Variants in CREB5 observed in about 807,000 individuals in gnomAD.
CREB5 encodes cAMP responsive element binding protein 5.
CREB5 carries 19 observed loss-of-function variants against 57.1 expected under a neutral mutation model. That is an observed-to-expected ratio of 0.33 (90% CI 0.23 to 0.49). CREB5 has a LOEUF of 0.49. Among genes scored for constraint, CREB5 ranks in the 20% least tolerant of loss-of-function variants. The probability of loss-of-function intolerance (pLI) is 0.99; values close to 1 mark genes in which losing one functional copy is unlikely to be tolerated. For missense variants in CREB5, 579 were observed against 671.6 expected, an observed-to-expected ratio of 0.86 and a Z score of 1.52; for synonymous variants, 238 against 238.3, an observed-to-expected ratio of 1.00 and a Z score of 0.01.
intron 7 of CREB5, among the ~76,000 whole-genome samples, chr7:28,792,513 A>G (rs1807776369): frequency 6.6e-6 from 1 of 152,150 alleles, no homozygotes; most frequent in Admixed American, 6.5e-5. Flanking sequence ...TTTTGGTTGG[A>G]AATGCTGTGC....
intron 5 of CREB5, among the ~76,000 whole-genome samples, chr7:28,693,782 C>T (rs1291261851): frequency 6.6e-6 from 1 of 152,198 alleles, no homozygotes; most frequent in African/African-American, 2.4e-5. Flanking sequence ...ATAGTAAGTG[C>T]TCAGCAAATG....
At chr7:28,345,895 G>T in intron 1 of CREB5, among the ~76,000 whole-genome samples, 1 of 152,102 alleles carries the variant, frequency 6.6e-6, no homozygotes, top group Non-Finnish European at 1.5e-5. Flanking sequence ...CATGGCAGGG[G>T]CTTATCCTCA....
At chr7:28,575,853 T>C (rs1795890048) in intron 5 of CREB5, among the ~76,000 whole-genome samples, 1 of 152,168 alleles carries the variant, frequency 6.6e-6, no homozygotes, top group African/African-American at 2.4e-5. Flanking sequence ...ATGCAGAGCC[T>C]TGAGAAATTA....
chr7:28,477,590 C>T (rs1339755298), intron 1 of CREB5, among the ~76,000 whole-genome samples: 1 of 152,196 alleles, frequency 6.6e-6, no homozygotes, highest in African/African-American at 2.4e-5. Context: ...AGAGAAGGCC[C>T]TGCGTTTGTT....
intron 1 of CREB5, among the ~76,000 whole-genome samples, chr7:28,449,744 C>T (rs1029386876): frequency 3.9e-5 from 6 of 152,294 alleles, no homozygotes; most frequent in South Asian, 4.1e-4. Context: ...AAGGGCCTCT[C>T]AAAGAAGAAT....
At chr7:28,433,035 T>C (rs1007005990) in intron 1 of CREB5, among the ~76,000 whole-genome samples, 4 of 152,190 alleles carry the variant, frequency 2.6e-5, no homozygotes, top group African/African-American at 4.8e-5. Context: ...GCCTTAGAAT[T>C]TTCTGTTTGT....
intron 4 of CREB5, among the ~76,000 whole-genome samples, chr7:28,532,486 G>A (rs1453268068): frequency 2.0e-5 from 3 of 152,168 alleles, no homozygotes; most frequent in Non-Finnish European, 4.4e-5. Flanking sequence ...CCCCAACCCT[G>A]GAAAAGCAAA....
At chr7:28,607,202 C>T (rs1304716480) in intron 5 of CREB5, among the ~76,000 whole-genome samples, 1 of 152,066 alleles carries the variant, frequency 6.6e-6, no homozygotes, top group East Asian at 1.9e-4. Context: ...CTTTTTAGAC[C>T]TATTTTACAG....
chr7:28,413,032 A>T (rs1787867953), intron 1 of CREB5, 115 bp downstream of exon 1: 14 of 962,340 alleles, frequency 1.5e-5, no homozygotes, highest in Non-Finnish European at 1.7e-5. Flanking sequence ...TAGATTTTGC[A>T]CAAAATTTTA....
At chr7:28,423,699 T>G (rs11975030) in intron 1 of CREB5, among the ~76,000 whole-genome samples, 6,688 of 151,912 alleles carry the variant, frequency 0.044, 424 homozygotes, top group African/African-American at 0.14. Flanking sequence ...CACAGGCTTG[T>G]GTCTGCATCC....
intron 6 of CREB5, among the ~76,000 whole-genome samples, chr7:28,719,845 A>T (rs1453031673): frequency 2.0e-5 from 3 of 152,150 alleles, no homozygotes; most frequent in Non-Finnish European, 4.4e-5. Context: ...GTAGATCATG[A>T]GGTCAAGAGA....
At chr7:28,704,302 C>T (rs1802000883) in intron 5 of CREB5, among the ~76,000 whole-genome samples, 1 of 152,186 alleles carries the variant, frequency 6.6e-6, no homozygotes, top group Non-Finnish European at 1.5e-5. Context: ...TGCTGCCCTC[C>T]TCAGCTAAAT....
rs138953225 is a variant in CREB5 at position 28,337,969 on chromosome 7, C to T, written c.-25+38528C>T. 6.0e-4 allele frequency among the ~76,000 whole-genome samples: 91 copies of T among 152,052 alleles called. 1 individual carries two copies. In the South Asian group the frequency reaches 9.5e-3, roughly 16 times the overall value. On this transcript the variant is annotated intron_variant, in intron 1 of 9. Coordinates refer to the CREB5 transcript ENST00000396299. ...ACTTAATAATGACTGCATAAACAAA[C>T]TAAAAAACAAGCAAAAAGAAAACTA... is the stretch of plus-strand genomic sequence containing the variant.
intron 5 of CREB5, among the ~76,000 whole-genome samples, chr7:28,642,545 CT>C (rs1401221003): frequency 6.6e-5 from 10 of 152,152 alleles, no homozygotes; most frequent in African/African-American, 9.7e-5. Flanking sequence ...ATACAAAGGG[CT>C]TTTCTGCATG....
At chr7:28,421,764 ACACACTATATATATATATACC>A (rs1788259124) in intron 1 of CREB5, among the ~76,000 whole-genome samples, 1 of 22,224 alleles carries the variant, frequency 4.5e-5, no homozygotes, top group African/African-American at 1.6e-4. Context: ...ATACATACAC[ACACACTATATATATATATACC>A]ATATATATAT....
chr7:28,426,599 T>A (rs536460756), intron 1 of CREB5, among the ~76,000 whole-genome samples: 67 of 152,344 alleles, frequency 4.4e-4, no homozygotes, highest in African/African-American at 1.6e-3. Flanking sequence ...CTAGACATGC[T>A]GCATTCACTT....
At chr7:28,609,669 G>C (rs1797310552) in intron 5 of CREB5, among the ~76,000 whole-genome samples, 2 of 152,214 alleles carry the variant, frequency 1.3e-5, no homozygotes, top group Non-Finnish European at 2.9e-5. Context: ...AGTCTACCTT[G>C]TTGAGTTTGA....
intron 5 of CREB5, among the ~76,000 whole-genome samples, chr7:28,620,419 A>G (rs1166649356): frequency 6.6e-6 from 1 of 152,168 alleles, no homozygotes; most frequent in Admixed American, 6.6e-5. Flanking sequence ...AAAGAATCAT[A>G]GAGCTTCTTT....
Position 28,708,128 on chromosome 7 carries a change from ATATAACC to A in CREB5, c.465-10624_465-10618del, listed in dbSNP as rs543101103. On this transcript the variant is annotated intron_variant, in intron 5 of 10. Transcript: ENST00000357727. Reference sequence around the variant, plus strand: ...ATAGAGCCTGAAGCTCTCTGTTAGGATATAACCCAGTGAAGAGTTTGCTCAGCCTTGT... The same window carrying A: ...ATAGAGCCTGAAGCTCTCTGTTAGGACAGTGAAGAGTTTGCTCAGCCTTGT... Among the ~76,000 whole-genome samples the A allele has an allele frequency of 1.4e-4, 22 of 152,330 alleles. No homozygotes were observed. In the South Asian group the frequency reaches 4.4e-3, roughly 30 times the overall value.
Sources: gnomAD v4.1 joint callset for allele counts (sites outside exome capture counted in the v4.1 genomes callset) on GRCh38, gnomAD v4.1.1 for gene constraint, MANE v1.5 for transcripts, NCBI Gene and HGNC (gene_info 2026-07-23, HGNC 2026-07-21) for gene names.